ZNF134: variants seen among roughly 807,000 people sequenced by gnomAD.
The protein encoded by ZNF134 is zinc finger protein 134 (clone pHZ-15).
A neutral mutation model predicts 2.5 loss-of-function variants in ZNF134; 5 were observed. The observed-to-expected ratio is 2.03, with a 90% CI of 1.06 to 4.27. The LOEUF (loss-of-function observed/expected upper bound fraction) is 4.27. Ranked by LOEUF, ZNF134 falls within the 30% of genes most tolerant of loss-of-function variation. The pLI, the probability that ZNF134 is intolerant of heterozygous loss-of-function variation, is 0.00. For synonymous variants in ZNF134, 176 were observed against 176.2 expected (o/e 1.00, Z 0.01); for missense variants, 540 against 517.5 (o/e 1.04, Z -0.42).
In ZNF134 at chr19:57,620,565, A is replaced by G. The variant is rs755634301; in HGVS notation, c.446A>G (p.Gln149Arg). Residue 149 changes from glutamine (Q) to arginine (R), a missense_variant, in exon 3 of 3, where the codon CAA becomes CGA. Physicochemically the swap from Gln to Arg is conservative, Grantham distance 43. Coordinates refer to ENST00000396161, the MANE Select transcript of ZNF134 (RefSeq NM_003435.5). The part of the protein sequence containing the change: ...KNFQATLGGC[Q>R]QKAIHSKRKT... ...TTCCAGGCTACTTTGGGTGGCTGCC[A>G]ACAAAAGGCCATCCACAGTAAGAGG... 9 of 1,614,258 alleles carry G rather than the reference A, an allele frequency of 5.6e-6. No homozygotes were observed. The South Asian group carries it at 6.6e-5, about 12-fold the overall frequency.
intron 1 of ZNF134, among the ~76,000 whole-genome samples, chr19:57,617,134 A>T (rs1981075415): frequency 6.6e-6 from 1 of 152,212 alleles, no homozygotes; most frequent in Admixed American, 6.5e-5. Context: ...GACAGGATTC[A>T]GCCCAGAAAT....
chr19:57,615,358 G>T (rs553757809), intron 1 of ZNF134, among the ~76,000 whole-genome samples: 1 of 152,146 alleles, frequency 6.6e-6, no homozygotes, highest in East Asian at 1.9e-4. Flanking sequence ...ATTTTGTGTG[G>T]TCTCTGAAGT....
intron 1 of ZNF134, 130 bp downstream of exon 1, chr19:57,614,633 G>C (rs945262667): frequency 4.4e-5 from 14 of 321,522 alleles, no homozygotes; most frequent in African/African-American, 2.5e-4. Flanking sequence ...GTGGGGGCGA[G>C]TGTGACTGGC....
At chr19:57,617,622 A>G (rs901351971) in intron 1 of ZNF134, among the ~76,000 whole-genome samples, 1 of 152,138 alleles carries the variant, frequency 6.6e-6, no homozygotes, top group African/African-American at 2.4e-5. Flanking sequence ...GGACACAGAG[A>G]TCTGAAGTTC....
intron 1 of ZNF134, among the ~76,000 whole-genome samples, chr19:57,618,337 C>T (rs1239062548): frequency 6.6e-6 from 1 of 152,064 alleles, no homozygotes; most frequent in Non-Finnish European, 1.5e-5. Flanking sequence ...ATGCTGTGTG[C>T]AGATTTGCAT....
chr19:57,619,941 C>T (rs982852418), intron 2 of ZNF134, among the ~76,000 whole-genome samples: 20 of 152,358 alleles, frequency 1.3e-4, no homozygotes, highest in Middle Eastern at 3.4e-3. Context: ...CCTTGTACTA[C>T]ACCCCATCCT....
intron 1 of ZNF134, among the ~76,000 whole-genome samples, chr19:57,616,466 T>C (rs1349058485): frequency 6.6e-6 from 1 of 152,244 alleles, no homozygotes; most frequent in Non-Finnish European, 1.5e-5. Flanking sequence ...TGGATAGTAG[T>C]AGCTGTTTCA....
intron 2 of ZNF134, 28 bp from the exon 3 acceptor site, chr19:57,620,132 T>C (rs1191209283): frequency 8.1e-6 from 13 of 1,595,800 alleles, no homozygotes; most frequent in Non-Finnish European, 1.1e-5. Context: ...AGTCAGCATG[T>C]ACATCAATAG....
chr19:57,621,446 T>G lies in ZNF134; in HGVS notation c.*43T>G. 1 of 1,606,264 alleles carries G rather than the reference T, an allele frequency of 6.2e-7. No individual in the cohort carries two copies. The highest frequency in any genetic ancestry group is 1.3e-5 in the African/African-American group (1 of 75,052). Reference sequence around the variant, plus strand: ...CAGGACTCATCAATCAGATGTTGAATTTCATGTATCTGAACATTGACACAA... The same window carrying G: ...CAGGACTCATCAATCAGATGTTGAAGTTCATGTATCTGAACATTGACACAA... On this transcript the variant is annotated 3_prime_UTR_variant, in exon 3 of 3. Coordinates refer to ENST00000396161, the MANE Select transcript of ZNF134 (RefSeq NM_003435.5).
chr19:57,623,295 A>G lies in ZNF134; in HGVS notation c.*1892A>G, dbSNP rs1306826137. 2.0e-5 allele frequency: 3 copies of G among 152,324 alleles called. No individual in the cohort carries two copies. The highest frequency in any genetic ancestry group is 1.9e-4 in the East Asian group (1 of 5,186). 9.4% of individuals were successfully genotyped at this position (152,324 alleles called of 1,614,324 possible). A position where few individuals can be genotyped will look rare whatever the true frequency, so the allele number is the denominator to read the frequency against. The stretch of plus-strand genomic sequence containing the variant: ...TGTATGGATATACCACAGTTTATCC[A>G]TTTATCTTAATTGATGTCTGTACTC... On this transcript the variant is annotated 3_prime_UTR_variant, in exon 3 of 3. Transcript: ENST00000396161.
Position 57,621,622 on chromosome 19 carries a change from G to T in ZNF134, c.*219G>T, listed in dbSNP as rs895062960. On this transcript the variant is annotated 3_prime_UTR_variant, in exon 3 of 3. Coordinates refer to ENST00000396161, the MANE Select transcript of ZNF134 (RefSeq NM_003435.5). The stretch of plus-strand genomic sequence containing the variant: ...CTACCAGCTAAGATACCCCAGCATT[G>T]GGGAAGGCAGGGTTTTGTATTGTCC... The T allele has an allele frequency of 9.1e-6, 7 of 770,870 alleles. No homozygotes were observed. The highest frequency in any genetic ancestry group is 2.3e-4 in the Middle Eastern group (1 of 4,350). 47.8% of individuals were successfully genotyped at this position (770,870 alleles called of 1,614,324 possible).
rs1354133358 is a variant in ZNF134, at chr19:57,620,112, C to T, written c.41-48C>T. 5.7e-6 allele frequency: 9 copies of T among 1,575,766 alleles called. No homozygotes were observed. The South Asian group carries it at 8.4e-5, about 15-fold the overall frequency. On this transcript the variant is annotated intron_variant, in intron 2 of 2. Transcript: ENST00000396161. ...ACACATATTTGTGATGTAGTTGCCC[C>T]ACCCACCAAAGTCAGCATGTACATC...
At chr19:57,619,544 C>A in intron 2 of ZNF134, 36 bp downstream of exon 2, 2 of 1,567,302 alleles carry the variant, frequency 1.3e-6, no homozygotes, top group Non-Finnish European at 1.7e-6. Context: ...AACCTCAGGG[C>A]TGGGTTCCTG....
chr19:57,623,146 C>G lies in ZNF134; in HGVS notation c.*1743C>G, dbSNP rs1301655289. 1 of 152,108 alleles carries G rather than the reference C, an allele frequency of 6.6e-6. No individual in the cohort carries two copies. The highest frequency in any genetic ancestry group is 1.5e-5 in the Non-Finnish European group (1 of 68,026). The allele number at this position is 152,108 out of a possible 1,614,324, so 9.4% of individuals were successfully genotyped here. A position where few individuals can be genotyped will look rare whatever the true frequency, so the allele number is the denominator to read the frequency against. On this transcript the variant is annotated 3_prime_UTR_variant, in exon 3 of 3. Transcript: ENST00000396161. ...TTCACTGTAGGTAAATTTGTCTTTTCTAGAATTTTATGTAAGTCTGCCTAT... is the reference window on the plus strand; with the variant it reads ...TTCACTGTAGGTAAATTTGTCTTTTGTAGAATTTTATGTAAGTCTGCCTAT...
chr19:57,616,689 G>A (rs1446675526), intron 1 of ZNF134, among the ~76,000 whole-genome samples: 1 of 152,200 alleles, frequency 6.6e-6, no homozygotes, highest in African/African-American at 2.4e-5. Context: ...AGGGCTTAGG[G>A]AAACAGTTCA....
chr19:57,618,321 C>G (rs550384583), intron 1 of ZNF134, among the ~76,000 whole-genome samples: 1 of 152,224 alleles, frequency 6.6e-6, no homozygotes, highest in East Asian at 1.9e-4. Flanking sequence ...TCCAAGCATT[C>G]TCTGGATGCT....
chr19:57,618,009 G>A (rs996176744), intron 1 of ZNF134, among the ~76,000 whole-genome samples: 5 of 152,328 alleles, frequency 3.3e-5, no homozygotes, highest in Middle Eastern at 3.4e-3. Context: ...TGGAGTTTCA[G>A]TCAAGCTAGT....
In ZNF134 at chr19:57,620,664, G is replaced by A. The variant is rs1334904613; in HGVS notation, c.545G>A (p.Gly182Glu). 1 of 1,614,044 alleles carries A rather than the reference G, an allele frequency of 6.2e-7. No individual in the cohort carries two copies. Among genetic ancestry groups the A allele is most frequent in the East Asian group, 2.2e-5 (1 of 44,894 alleles). Residue 182 changes from glycine (G) to glutamate (E), a missense_variant, in exon 3 of 3, where the codon GGG becomes GAG. Coordinates refer to ENST00000396161, the MANE Select transcript of ZNF134 (RefSeq NM_003435.5). ...ATGCATTACAAGTGCAGTGAATGTG[G>A]GAAAGCTTTCAGCCGCAAAGACACA... ...EQMHYKCSEC[G>E]KAFSRKDTLV...
At chr19:57,619,572 G>A (rs1195393820) in intron 2 of ZNF134, 64 bp downstream of exon 2, 6 of 1,508,538 alleles carry the variant, frequency 4.0e-6, no homozygotes, top group Non-Finnish European at 5.3e-6. Context: ...GGAAACCTAT[G>A]TTGTGCCCAT....
Sources: allele counts gnomAD v4.1 joint callset (sites outside exome capture counted in the v4.1 genomes callset), GRCh38; gene constraint gnomAD v4.1.1; transcripts MANE v1.5; gene names NCBI Gene and HGNC (gene_info 2026-07-23, HGNC 2026-07-21).